Variants in ELOA observed in about 807,000 individuals in gnomAD.
ELOA encodes elongin A.
Under a neutral mutation model 85.2 loss-of-function variants are expected in ELOA, and 15 were observed. The ratio of observed to expected loss-of-function variants is 0.18; its 90% CI spans 0.12 to 0.27. The LOEUF is 0.27. Ranked by LOEUF, ELOA falls within the 10% of genes least tolerant of loss-of-function variation. The pLI is 1.00. For synonymous variants in ELOA, 348 were observed against 357.2 expected, an observed-to-expected ratio of 0.97 and a Z score of 0.29; for missense variants, 769 against 952.7, an observed-to-expected ratio of 0.81 and a Z score of 2.54.
Position 23,757,123 on chromosome 1 carries a change from A to G in ELOA, c.2255A>G (p.Lys752Arg). 1 of 1,544,046 alleles carries G rather than the reference A, an allele frequency of 6.5e-7. No individual in the cohort carries two copies. The highest frequency in any genetic ancestry group is 1.4e-5 in the African/African-American group (1 of 71,674). The stretch of plus-strand genomic sequence containing the variant: ...TATGATCCTAGGAAACCCACTGTGA[A>G]GAGTAAGTAACTTGGAGTTCCTGCT... ...VSYDPRKPTV[K>R]KIAPMMAKTI... is the part of the protein sequence containing the mutation. Residue 752 changes from lysine (K) to arginine (R), a missense_variant and splice_region_variant, in exon 10 of 11, where the codon AAG becomes AGG. Lys to Arg is a conservative substitution (Grantham distance 26, BLOSUM62 2). This residue lies in a region of ELOA where 116 missense variants were observed against 141.0 expected (regional missense o/e 0.82). Transcript: ENST00000613537.
chr1:23,751,657 G>A lies in ELOA; in HGVS notation c.1052G>A (p.Gly351Glu). 1 of 1,614,186 alleles carries A rather than the reference G, an allele frequency of 6.2e-7. No individual in the cohort carries two copies. Among genetic ancestry groups the A allele is most frequent in the South Asian group, 1.1e-5 (1 of 91,086 alleles). The change falls in exon 4 of 11, where the codon GGA becomes GAA. Residue 351 changes from glycine (G) to glutamate (E), a missense_variant. Gly to Glu is a moderately conservative substitution (Grantham distance 98). This residue lies in a region of ELOA where 440 missense variants were observed against 474.0 expected (regional missense o/e 0.93). Coordinates refer to ENST00000613537, the MANE Select transcript of ELOA (RefSeq NM_003198.3). ...CAAGGTCTGGACAGCTTTGACACAG[G>A]AAAAGGAGCAGGAGACCTGTTGCCC... ...SKQGLDSFDT[G>E]KGAGDLLPKV...
intron 10 of ELOA, among the ~76,000 whole-genome samples, chr1:23,759,176 TCTTTC>T (rs1426769076): frequency 6.6e-6 from 1 of 152,238 alleles, no homozygotes; most frequent in East Asian, 1.9e-4. Context: ...AGAGTGAGAC[TCTTTC>T]CTTACAAAAA....
chr1:23,751,617 T>A lies in ELOA; in HGVS notation c.1012T>A (p.Leu338Met). Residue 338 changes from leucine to methionine, a missense_variant, in exon 4 of 11, where the codon TTG (leucine) becomes ATG (methionine). Physicochemically the swap from Leu to Met is conservative, Grantham distance 15. Coordinates refer to ENST00000613537, the MANE Select transcript of ELOA (RefSeq NM_003198.3). ...PKHRDPEKAKLDKSKQGLDSF... is the reference protein window; with the variant it reads ...PKHRDPEKAKMDKSKQGLDSF... ...GCACAGAGACCCAGAGAAAGCCAAA[T>A]TGGACAAAAGCAAGCAAGGTCTGGA... is the stretch of plus-strand genomic sequence containing the variant. 1.2e-6 allele frequency: 2 copies of A among 1,613,986 alleles called. No homozygotes were observed. The highest frequency in any genetic ancestry group is 1.7e-6 in the Non-Finnish European group (2 of 1,179,996).
In ELOA at chr1:23,751,150, C is replaced by T; in HGVS notation, c.545C>T (p.Ser182Phe). 6.2e-7 allele frequency: 1 copy of T among 1,614,162 alleles called. No individual in the cohort carries two copies. Among genetic ancestry groups the T allele is most frequent in the African/African-American group, 1.3e-5 (1 of 75,048 alleles). ...TATGGCCATGTTCAATCCCCTCCAT[C>T]TTGTACCAGTCCTCATCAGATGTAC... ...SDYGHVQSPP[S>F]CTSPHQMYVD... Residue 182 changes from serine to phenylalanine, a missense_variant, in exon 4 of 11, where the codon TCT (serine) becomes TTT (phenylalanine). Ser to Phe is a radical substitution (Grantham distance 155, BLOSUM62 -2). Transcript: ENST00000613537.
At position 23,754,187 on chromosome 1, in the gene ELOA, G is replaced by A. The variant is rs1644784639; in HGVS notation, c.1625G>A (p.Cys542Tyr). The change falls in exon 6 of 11, where the codon TGT becomes TAT. Residue 542 changes from cysteine (C) to tyrosine (Y), a missense_variant. By Grantham distance (194) the Cys-to-Tyr change is radical. Around this residue, in one of 4 missense-constraint regions of ELOA, gnomAD observed 193 missense variants for 278.9 expected, o/e 0.69. Transcript: ENST00000613537. ...ATGCAGGTGTATTCTGGTTCCAAGT[G>A]TGCCTATCTCCCTAAAATGATGACC... Reference protein sequence around the residue: ...SKMQVYSGSKCAYLPKMMTLH... With the variant: ...SKMQVYSGSKYAYLPKMMTLH... The A allele has an allele frequency of 1.2e-6, 2 of 1,614,070 alleles. No individual in the cohort carries two copies. Among genetic ancestry groups the A allele is most frequent in the African/African-American group, 2.7e-5 (2 of 74,920 alleles).
intron 1 of ELOA, among the ~76,000 whole-genome samples, chr1:23,745,178 C>G (rs183544561): frequency 6.6e-5 from 10 of 152,290 alleles, no homozygotes. Flanking sequence ...GCTTCAGTAC[C>G]GTACCTAGTG....
At position 23,750,795 on chromosome 1, in the gene ELOA, T is replaced by C. The variant is rs1289128565; in HGVS notation, c.240-50T>C. Reference sequence around the variant, plus strand: ...AGTTCAGATTCTGTGACTTTGTCCCTCAAGAAGCAAGATTTAGACCTACTT... The same window carrying C: ...AGTTCAGATTCTGTGACTTTGTCCCCCAAGAAGCAAGATTTAGACCTACTT... On this transcript the variant is annotated intron_variant, in intron 3 of 10. Transcript: ENST00000613537. 4 of 1,489,068 alleles carry C rather than the reference T, an allele frequency of 2.7e-6. No individual in the cohort carries two copies. The South Asian group carries it at 4.3e-5, about 16-fold the overall frequency. 92.2% of individuals were successfully genotyped at this position (1,489,068 alleles called of 1,614,324 possible). A position where few individuals can be genotyped will look rare whatever the true frequency, so the allele number is the denominator to read the frequency against.
chr1:23,752,927 G>A (rs569859162), intron 5 of ELOA, among the ~76,000 whole-genome samples: 1 of 152,042 alleles, frequency 6.6e-6, no homozygotes, highest in African/African-American at 2.4e-5. Flanking sequence ...TGGGTGACAA[G>A]AGGGAAACTC....
In ELOA at chr1:23,755,766, C is replaced by G; in HGVS notation, c.1792-77C>G. ...CTGCACTGCAGTCTACACGACAGAG[C>G]AAGACTCTGTCTCAAAAAAAAAAAA... On this transcript the variant is annotated intron_variant, in intron 7 of 10. Transcript: ENST00000613537. The G allele has an allele frequency of 2.1e-6, 3 of 1,419,988 alleles. No individual in the cohort carries two copies. The African/African-American group carries it at 4.6e-5, about 22-fold the overall frequency. 88.0% of individuals were successfully genotyped at this position (1,419,988 alleles called of 1,614,324 possible).
In ELOA at chr1:23,755,794, AAT is replaced by A. The variant is rs774665132; in HGVS notation, c.1792-46_1792-45del. 9,301 of 1,399,196 alleles carry A rather than the reference AAT, an allele frequency of 6.6e-3. 229 individuals are homozygous for A. Among genetic ancestry groups the A allele is most frequent in the East Asian group, 8.3e-3 (334 of 40,370 alleles). 86.7% of individuals were successfully genotyped at this position (1,399,196 alleles called of 1,614,324 possible). On this transcript the variant is annotated intron_variant, in intron 7 of 10. Coordinates refer to ENST00000613537, the MANE Select transcript of ELOA (RefSeq NM_003198.3). ...GACTCTGTCTCAAAAAAAAAAAAAA[AAT>A]ATGGAAAAGTGCTTGTACACAAATG...
At position 23,747,460 on chromosome 1, in the gene ELOA, G is replaced by A. The variant is rs142452469; in HGVS notation, c.76-1561G>A. On this transcript the variant is annotated intron_variant, in intron 1 of 10. Transcript: ENST00000613537. ...GTTAGTGGGAATGAAATGAGGTAAC[G>A]TGTAAGAGCTTAGTGTAGTAGCTGA... is the stretch of plus-strand genomic sequence containing the variant. Among the ~76,000 whole-genome samples, 426 of 152,304 alleles carry A rather than the reference G, an allele frequency of 2.8e-3. 1 individual carries two copies. Among genetic ancestry groups the A allele is most frequent in the Non-Finnish European group, 4.6e-3 (310 of 68,028 alleles).
intron 1 of ELOA, among the ~76,000 whole-genome samples, chr1:23,748,752 TA>T (rs1644757242): frequency 1.3e-5 from 2 of 152,204 alleles, no homozygotes; most frequent in South Asian, 4.1e-4. Flanking sequence ...CTCTACATCT[TA>T]TTTCCCCTTG....
rs1056891867 is a variant in ELOA, at chr1:23,751,078, G to A, written c.473G>A (p.Cys158Tyr). 2.5e-6 allele frequency: 4 copies of A among 1,613,978 alleles called. No homozygotes were observed. Among genetic ancestry groups the A allele is most frequent in the Non-Finnish European group, 3.4e-6 (4 of 1,180,036 alleles). Reference sequence around the variant, plus strand: ...GAGAGGAGAGATGAGAGAAAGAGGTGTCACAGAATGTCACCAACTTACTCT... The same window carrying A: ...GAGAGGAGAGATGAGAGAAAGAGGTATCACAGAATGTCACCAACTTACTCT... Reference protein sequence around the residue: ...GHERRDERKRCHRMSPTYSSD... With the variant: ...GHERRDERKRYHRMSPTYSSD... The change falls in exon 4 of 11, where the codon TGT becomes TAT. Residue 158 changes from cysteine (C) to tyrosine (Y), a missense_variant. Around this residue, in one of 4 missense-constraint regions of ELOA, gnomAD observed 440 missense variants for 474.0 expected, o/e 0.93. Coordinates refer to ENST00000613537, the MANE Select transcript of ELOA (RefSeq NM_003198.3).
chr1:23,751,563 G>A lies in ELOA; in HGVS notation c.958G>A (p.Ala320Thr), dbSNP rs1644771350. ...GAAGTGTTTGCCTCCCTCAGAGGCCGCTTCAGACAACCACCTGAAAAAGCC... is the reference window on the plus strand; with the variant it reads ...GAAGTGTTTGCCTCCCTCAGAGGCCACTTCAGACAACCACCTGAAAAAGCC... ...KKKCLPPSEA[A>T]SDNHLKKPKH... The change falls in exon 4 of 11, where the codon GCT becomes ACT. Residue 320 changes from alanine to threonine, a missense_variant. Ala to Thr is a moderately conservative substitution (Grantham distance 58, BLOSUM62 0). Transcript: ENST00000613537. The A allele has an allele frequency of 3.1e-6, 5 of 1,614,184 alleles. No homozygotes were observed. In the African/African-American group the frequency reaches 5.3e-5, roughly 17 times the overall value.
At chr1:23,758,034 CTGTCTCTAAATA>C (rs1638225660) in intron 10 of ELOA, among the ~76,000 whole-genome samples, 1 of 151,620 alleles carries the variant, frequency 6.6e-6, no homozygotes, top group Non-Finnish European at 1.5e-5. Flanking sequence ...GAGTGAGACA[CTGTCTCTAAATA>C]AATAAATAAA....
intron 5 of ELOA, among the ~76,000 whole-genome samples, chr1:23,753,131 C>T (rs1644779885): frequency 6.6e-6 from 1 of 152,136 alleles, no homozygotes. Context: ...GCTTGGGTGA[C>T]AGAGCAAGAC....
At chr1:23,753,330 A>G (rs1007816904) in intron 5 of ELOA, among the ~76,000 whole-genome samples, 7 of 152,236 alleles carry the variant, frequency 4.6e-5, no homozygotes, top group African/African-American at 1.7e-4. Context: ...AATGGGAGTT[A>G]TAATGGTATC....
chr1:23,749,485 G>T (rs1644759876), intron 2 of ELOA, among the ~76,000 whole-genome samples: 1 of 152,218 alleles, frequency 6.6e-6, no homozygotes, highest in Non-Finnish European at 1.5e-5. Context: ...ATTAGTCCCA[G>T]ATTCAAATCT....
chr1:23,744,777 A>T, intron 1 of ELOA, among the ~76,000 whole-genome samples: 1 of 152,076 alleles, frequency 6.6e-6, no homozygotes, highest in Non-Finnish European at 1.5e-5. Context: ...CAGTTCTAGG[A>T]GTTGGAACTC....
Sources: gnomAD v4.1 joint callset for allele counts (sites outside exome capture counted in the v4.1 genomes callset) on GRCh38, gnomAD v4.1.1 for gene constraint, gnomAD v4.1.1 regional missense constraint, MANE v1.5 for transcripts, NCBI Gene and HGNC (gene_info 2026-07-23, HGNC 2026-07-21) for gene names.